Variants in TEX36 observed in about 807,000 individuals in gnomAD.
The protein encoded by TEX36 is testis expressed 36.
Under a neutral mutation model 13.6 loss-of-function variants are expected in TEX36, and 12 were observed. The observed-to-expected ratio is 0.88, with a 90% CI of 0.56 to 1.43. The LOEUF (loss-of-function observed/expected upper bound fraction) is 1.43. TEX36 is among the 40% of genes most tolerant of loss of function. The pLI is 0.00. For synonymous variants in TEX36, 93 were observed against 83.0 expected (o/e 1.12, Z -0.65); for missense variants, 224 against 228.3 (o/e 0.98, Z 0.12).
chr10:125,656,794 C>T (rs965182841), intron 3 of TEX36, among the ~76,000 whole-genome samples: 3 of 152,062 alleles, frequency 2.0e-5, no homozygotes, highest in African/African-American at 7.2e-5. Context: ...CAGCCAGAAA[C>T]AGACTGTTAG....
chr10:125,666,532 G>A (rs111683823), intron 1 of TEX36, among the ~76,000 whole-genome samples: 12 of 152,080 alleles, frequency 7.9e-5, no homozygotes, highest in African/African-American at 2.4e-4. Flanking sequence ...GCATCCTTGC[G>A]TCCCTGCTAT....
intron 3 of TEX36, among the ~76,000 whole-genome samples, chr10:125,659,417 T>C (rs763752867): frequency 3.9e-5 from 6 of 152,218 alleles, no homozygotes; most frequent in Non-Finnish European, 8.8e-5. Context: ...TAGCAGTGAA[T>C]CGTCAAGGTC....
chr10:125,602,442 T>A (rs546704360), intron 3 of TEX36, among the ~76,000 whole-genome samples: 2 of 152,314 alleles, frequency 1.3e-5, no homozygotes, highest in East Asian at 3.9e-4. Context: ...CAAGCCCCAC[T>A]GGGCACCTTC....
At chr10:125,605,365 T>C (rs1479490594) in intron 3 of TEX36, among the ~76,000 whole-genome samples, 22 of 148,596 alleles carry the variant, frequency 1.5e-4, no homozygotes, top group Non-Finnish European at 2.4e-4. Context: ...TTAATCTCCA[T>C]ACACAGCATA....
chr10:125,672,015 C>T (rs1209067238), intron 1 of TEX36, among the ~76,000 whole-genome samples: 1 of 151,386 alleles, frequency 6.6e-6, no homozygotes, highest in Non-Finnish European at 1.5e-5. Flanking sequence ...TTTGATTCTT[C>T]TCTCTTTTCT....
chr10:125,679,805 C>G (rs1056983171), intron 1 of TEX36, among the ~76,000 whole-genome samples: 3 of 152,202 alleles, frequency 2.0e-5, no homozygotes, highest in African/African-American at 4.8e-5. Flanking sequence ...GATAGGCGGG[C>G]ACGCAATGCT....
downstream of TEX36, among the ~76,000 whole-genome samples, chr10:125,618,954 A>T (rs868738269): frequency 0.041 from 5,908 of 142,692 alleles, 228 homozygotes; most frequent in East Asian, 0.074. Context: ...AAAAAAAAAA[A>T]AAAAAAAAAA....
At chr10:125,661,708 C>CT (rs1485742618) in intron 2 of TEX36, 138 bp downstream of exon 2, 11 of 1,156,718 alleles carry the variant, frequency 9.5e-6, no homozygotes, top group Admixed American at 2.6e-5. Flanking sequence ...GGTGGGGATA[C>CT]TACCAACCCT....
intron 3 of TEX36, among the ~76,000 whole-genome samples, chr10:125,580,564 A>G (rs1369910012): frequency 1.3e-5 from 2 of 152,136 alleles, no homozygotes; most frequent in African/African-American, 4.8e-5. Context: ...GAGAAAACAT[A>G]AACTTAGGTC....
downstream of TEX36, among the ~76,000 whole-genome samples, chr10:125,652,895 C>T (rs1383279683): frequency 6.6e-6 from 1 of 152,210 alleles, no homozygotes; most frequent in East Asian, 1.9e-4. Flanking sequence ...AAATGCTCAT[C>T]ATCACTGGCC....
chr10:125,606,614 C>T (rs1846219366), intron 3 of TEX36, among the ~76,000 whole-genome samples: 1 of 152,134 alleles, frequency 6.6e-6, no homozygotes. Flanking sequence ...CAGCAGGGAC[C>T]AGAGCTCTTC....
intron 1 of TEX36, chr10:125,667,975 T>A (rs3740184): frequency 0.09 from 75,624 of 838,386 alleles, 7,017 homozygotes; most frequent in East Asian, 0.35. Context: ...CAAGTTCCAG[T>A]GCTTCAAAGG....
intron 3 of TEX36, among the ~76,000 whole-genome samples, chr10:125,589,632 T>C (rs1370882339): frequency 1.3e-5 from 2 of 152,244 alleles, no homozygotes; most frequent in Non-Finnish European, 2.9e-5. Flanking sequence ...TCATATATTA[T>C]TTATTTGTCT....
At chr10:125,645,815 T>C (rs1162091480) in intron 3 of TEX36, among the ~76,000 whole-genome samples, 3 of 152,008 alleles carry the variant, frequency 2.0e-5, no homozygotes, top group East Asian at 1.9e-4. Flanking sequence ...AAAAAAAATA[T>C]GTAAAAGGGA....
intron 3 of TEX36, among the ~76,000 whole-genome samples, chr10:125,607,185 A>G (rs1285256993): frequency 6.6e-6 from 1 of 152,234 alleles, no homozygotes; most frequent in Non-Finnish European, 1.5e-5. Flanking sequence ...GAGCTTACCA[A>G]AAAGTTCCAT....
At chr10:125,591,537 G>A (rs1328173330) in intron 3 of TEX36, among the ~76,000 whole-genome samples, 1 of 152,192 alleles carries the variant, frequency 6.6e-6, no homozygotes, top group Non-Finnish European at 1.5e-5. Flanking sequence ...CTCTAGAACT[G>A]TCCCAGCTTC....
intron 3 of TEX36, among the ~76,000 whole-genome samples, chr10:125,587,549 G>A (rs1845970973): frequency 6.6e-6 from 1 of 152,078 alleles, no homozygotes; most frequent in South Asian, 2.1e-4. Context: ...ACACTTTGGA[G>A]GCCGAGGTTG....
intron 3 of TEX36, among the ~76,000 whole-genome samples, chr10:125,609,365 G>T (rs943997929): frequency 1.3e-5 from 2 of 152,092 alleles, no homozygotes; most frequent in Admixed American, 1.3e-4. Flanking sequence ...GACACTGCTA[G>T]CTAGTCACCC....
In TEX36 at chr10:125,656,413, C is replaced by A. The variant is rs559428988; in HGVS notation, c.265-217G>T. On this transcript the variant is annotated intron_variant, in intron 3 of 3. Coordinates refer to ENST00000368821, the MANE Select transcript of TEX36 (RefSeq NM_001128202.3). Reference sequence around the variant, plus strand: ...CTGGGACTACAGGTGGACCCCACCACGCCTGGCTAAGTTTTTGTATTTTTA... The same window carrying A: ...CTGGGACTACAGGTGGACCCCACCAAGCCTGGCTAAGTTTTTGTATTTTTA... Among the ~76,000 whole-genome samples, 11 of 151,768 alleles carry A rather than the reference C, an allele frequency of 7.2e-5. No individual in the cohort carries two copies. The South Asian group carries it at 1.5e-3, about 20-fold the overall frequency.
Sources: gnomAD v4.1 joint callset for allele counts (sites outside exome capture counted in the v4.1 genomes callset) on GRCh38, gnomAD v4.1.1 for gene constraint, MANE v1.5 for transcripts, NCBI Gene and HGNC (gene_info 2026-07-23, HGNC 2026-07-21) for gene names.